Variants in THSD7A observed in about 807,000 individuals in gnomAD.
THSD7A encodes the protein thrombospondin type-1 domain-containing protein 7A.
A neutral mutation model predicts 231.3 loss-of-function variants in THSD7A; 96 were observed. The ratio of observed to expected loss-of-function variants is 0.41; its 90% confidence interval spans 0.35 to 0.49. The LOEUF (loss-of-function observed/expected upper bound fraction) is 0.49, where lower values mean the gene tolerates loss of function less well. THSD7A is among the 20% of genes least tolerant of loss of function. The pLI, the probability that THSD7A is intolerant of heterozygous loss-of-function variation, is 0.05. For synonymous variants in THSD7A, 940 were observed against 743.3 expected (o/e 1.26, Z -4.30); for missense variants, 2,290 against 2,070.2 (o/e 1.11, Z -2.06).
At chr7:11,570,456 T>C (rs530856523) in intron 4 of THSD7A, among the ~76,000 whole-genome samples, 12 of 152,268 alleles carry the variant, frequency 7.9e-5, no homozygotes, top group African/African-American at 2.6e-4. Context: ...TAATAATTGA[T>C]GGTATATTTC....
chr7:11,556,544 G>C (rs1789854283), intron 4 of THSD7A, among the ~76,000 whole-genome samples: 1 of 151,740 alleles, frequency 6.6e-6, no homozygotes, highest in South Asian at 2.1e-4. Context: ...ATTGTATTTA[G>C]CTATACTTTG....
chr7:11,789,012 G>A (rs549337459), intron 1 of THSD7A, among the ~76,000 whole-genome samples: 61 of 152,094 alleles, frequency 4.0e-4, no homozygotes, highest in Non-Finnish European at 6.9e-4. Flanking sequence ...ACCAAGTGAA[G>A]TGATTGACAG....
chr7:11,698,099 G>T (rs1180139265), intron 1 of THSD7A, among the ~76,000 whole-genome samples: 1 of 151,288 alleles, frequency 6.6e-6, no homozygotes, highest in Admixed American at 6.6e-5. Context: ...GTCTGATTCT[G>T]TACAATTTCA....
chr7:11,698,907 T>G (rs1209577974), intron 1 of THSD7A, among the ~76,000 whole-genome samples: 1 of 151,328 alleles, frequency 6.6e-6, no homozygotes, highest in Non-Finnish European at 1.5e-5. Context: ...CTTTATTTCT[T>G]ATTCTTTATA....
chr7:11,656,197 G>A (rs1487924841), intron 1 of THSD7A, among the ~76,000 whole-genome samples: 1 of 151,852 alleles, frequency 6.6e-6, no homozygotes, highest in Non-Finnish European at 1.5e-5. Context: ...GGTGTTGTGT[G>A]CAATGTTATT....
chr7:11,582,115 T>TA (rs1174287886), intron 4 of THSD7A, among the ~76,000 whole-genome samples: 4 of 151,914 alleles, frequency 2.6e-5, no homozygotes, highest in African/African-American at 7.2e-5. Context: ...ATAGTCCGTG[T>TA]AAAAAAATCG....
intron 1 of THSD7A, among the ~76,000 whole-genome samples, chr7:11,646,817 G>T (rs1324725917): frequency 1.3e-5 from 2 of 152,040 alleles, no homozygotes; most frequent in Non-Finnish European, 2.9e-5. Context: ...TACCCCAAAA[G>T]TAGAACTTGA....
intron 6 of THSD7A, among the ~76,000 whole-genome samples, chr7:11,506,800 T>C (rs146575558): frequency 6.0e-4 from 92 of 152,340 alleles, no homozygotes; most frequent in Non-Finnish European, 1.2e-3. Flanking sequence ...CTCCCTGATA[T>C]CAAGTATCCA....
rs188403555 is a variant in THSD7A, at chr7:11,469,911, T to C, written c.2336A>G (p.Asp779Gly). ...KKDCIVTPYS[D>G]WTSCPSSCKE... The stretch of plus-strand genomic sequence containing the variant: ...ACACGAAGAGGGGCATGATGTCCAG[T>C]CACTATATGGGGTCACAATACAGTC... Residue 779 changes from aspartate (D) to glycine (G), a missense_variant, in exon 9 of 28, where the codon GAC (aspartate) becomes GGC (glycine). Transcript: ENST00000423059. 1.3e-4 allele frequency: 209 copies of C among 1,601,878 alleles called. No homozygotes were observed. Among genetic ancestry groups the C allele is most frequent in the Non-Finnish European group, 1.7e-4 (195 of 1,173,474 alleles).
chr7:11,441,856 T>C (rs982814622), intron 13 of THSD7A, among the ~76,000 whole-genome samples: 1 of 151,806 alleles, frequency 6.6e-6, no homozygotes, highest in African/African-American at 2.4e-5. Flanking sequence ...AGGGGAGGGA[T>C]AGCATTAGGA....
At chr7:11,811,385 G>C (rs548447474) in intron 1 of THSD7A, among the ~76,000 whole-genome samples, 4 of 152,244 alleles carry the variant, frequency 2.6e-5, no homozygotes, top group African/African-American at 9.6e-5. Context: ...TTTAGGAGTA[G>C]CTAGTTTTCT....
At chr7:11,540,007 T>C (rs917456883) in intron 6 of THSD7A, among the ~76,000 whole-genome samples, 8 of 152,206 alleles carry the variant, frequency 5.3e-5, no homozygotes, top group African/African-American at 1.9e-4. Context: ...TATTGTGTAA[T>C]CCAAACTAGG....
At chr7:11,710,177 T>C (rs1403630600) in intron 1 of THSD7A, among the ~76,000 whole-genome samples, 36 of 150,822 alleles carry the variant, frequency 2.4e-4, no homozygotes, top group Admixed American at 2.3e-3. Flanking sequence ...ATCTGCATTT[T>C]TAACAAGTTC....
At chr7:11,576,446 C>T (rs1447092676) in intron 4 of THSD7A, among the ~76,000 whole-genome samples, 1 of 152,136 alleles carries the variant, frequency 6.6e-6, no homozygotes, top group African/African-American at 2.4e-5. Context: ...ATTGCCCTAT[C>T]TAGAGGACAC....
At chr7:11,784,187 T>C (rs1458109386) in intron 1 of THSD7A, among the ~76,000 whole-genome samples, 1 of 151,934 alleles carries the variant, frequency 6.6e-6, no homozygotes, top group Non-Finnish European at 1.5e-5. Context: ...TATGTATGTT[T>C]ATGCATATAT....
intron 1 of THSD7A, among the ~76,000 whole-genome samples, chr7:11,739,255 TAATAAGGCCAGTG>T: frequency 6.6e-6 from 1 of 152,086 alleles, no homozygotes; most frequent in South Asian, 2.1e-4. Context: ...TAGATAGCTT[TAATAAGGCCAGTG>T]AATAAGAGCC....
intron 1 of THSD7A, among the ~76,000 whole-genome samples, chr7:11,644,122 C>T (rs1480716354): frequency 1.3e-5 from 2 of 151,440 alleles, no homozygotes; most frequent in African/African-American, 2.4e-5. Context: ...TACATCAAAG[C>T]TTATGAAGAA....
intron 1 of THSD7A, among the ~76,000 whole-genome samples, chr7:11,772,448 A>G (rs915796114): frequency 6.6e-6 from 1 of 152,172 alleles, no homozygotes; most frequent in Non-Finnish European, 1.5e-5. Context: ...CACTATTCAC[A>G]ATAACAAAGA....
intron 11 of THSD7A, among the ~76,000 whole-genome samples, chr7:11,447,921 G>T (rs1282966636): frequency 6.6e-6 from 1 of 152,110 alleles, no homozygotes; most frequent in African/African-American, 2.4e-5. Flanking sequence ...GTAGGTTGGA[G>T]TTTGGGGTCA....
Sources: allele counts gnomAD v4.1 joint callset (sites outside exome capture counted in the v4.1 genomes callset), GRCh38; gene constraint gnomAD v4.1.1; transcripts MANE v1.5; gene names NCBI Gene and HGNC (gene_info 2026-07-23, HGNC 2026-07-21).